The following PRKCB variants were observed in gnomAD, a reference collection of about 807,000 sequenced individuals.
PRKCB encodes the protein protein kinase C beta type.
In PRKCB, 13 loss-of-function variants were observed where a neutral mutation model predicts 81.5. The observed-to-expected ratio is 0.16, with a 90% CI of 0.10 to 0.25. PRKCB has a LOEUF of 0.25. PRKCB is among the 10% of genes least tolerant of loss of function. The probability of loss-of-function intolerance (pLI) is 1.00; values close to 1 mark genes in which losing one functional copy is unlikely to be tolerated. For missense variants in PRKCB, 509 were observed against 875.7 expected (o/e 0.58, Z 5.29); for synonymous variants, 335 against 321.4 (o/e 1.04, Z -0.45).
chr16:24,049,179 C>G (rs570190643), intron 5 of PRKCB, among the ~76,000 whole-genome samples: 1 of 150,876 alleles, frequency 6.6e-6, no homozygotes, highest in East Asian at 2.0e-4. Flanking sequence ...CTCCAAACCT[C>G]CCTGTGTTAG....
chr16:24,186,719 G>A (rs1003960830), intron 15 of PRKCB, among the ~76,000 whole-genome samples: 1 of 152,222 alleles, frequency 6.6e-6, no homozygotes, highest in African/African-American at 2.4e-5. Flanking sequence ...AGGCCAATCT[G>A]AGGCTTGGCC....
At chr16:24,117,933 C>T (rs936781069) in intron 8 of PRKCB, among the ~76,000 whole-genome samples, 4 of 152,218 alleles carry the variant, frequency 2.6e-5, no homozygotes, top group African/African-American at 7.2e-5. Flanking sequence ...CCAGGGAAAT[C>T]CACTCACCCG....
chr16:24,103,790 C>T (rs1441032002), intron 7 of PRKCB, among the ~76,000 whole-genome samples: 2 of 152,042 alleles, frequency 1.3e-5, no homozygotes, highest in Admixed American at 6.6e-5. Flanking sequence ...TTATTCATTC[C>T]AATGTATTAT....
intron 2 of PRKCB, among the ~76,000 whole-genome samples, chr16:23,854,121 C>G (rs1000763065): frequency 6.6e-6 from 1 of 151,520 alleles, no homozygotes; most frequent in African/African-American, 2.4e-5. Context: ...AGGTCCTTCT[C>G]ATGACACATG....
At chr16:24,029,025 A>C (rs1965518680) in intron 3 of PRKCB, among the ~76,000 whole-genome samples, 1 of 152,146 alleles carries the variant, frequency 6.6e-6, no homozygotes, top group South Asian at 2.1e-4. Context: ...TCCTGACCTC[A>C]AGCGATCTGC....
intron 2 of PRKCB, among the ~76,000 whole-genome samples, chr16:23,846,035 G>A (rs1006588784): frequency 6.6e-6 from 1 of 152,162 alleles, no homozygotes; most frequent in African/African-American, 2.4e-5. Flanking sequence ...CTCACCCTGT[G>A]TCCATCTCTG....
intron 2 of PRKCB, among the ~76,000 whole-genome samples, chr16:23,873,867 C>A (rs1962952508): frequency 6.6e-6 from 1 of 152,134 alleles, no homozygotes; most frequent in Non-Finnish European, 1.5e-5. Flanking sequence ...ATATACACTC[C>A]TACTCAGTCT....
chr16:23,850,440 A>G (rs945570380), intron 2 of PRKCB, among the ~76,000 whole-genome samples: 1 of 152,108 alleles, frequency 6.6e-6, no homozygotes, highest in Admixed American at 6.5e-5. Context: ...ATCTCAGCTC[A>G]CTGCAACCTC....
chr16:23,997,807 A>G (rs1223394154), intron 3 of PRKCB, among the ~76,000 whole-genome samples: 1 of 152,222 alleles, frequency 6.6e-6, no homozygotes, highest in African/African-American at 2.4e-5. Flanking sequence ...ATTGTATCAC[A>G]TCAGGTGGAA....
rs373479467 is a variant in PRKCB, at chr16:23,962,744, T to C, written c.206-25764T>C. On this transcript the variant is annotated intron_variant, in intron 2 of 16. Coordinates refer to ENST00000643927, the MANE Select transcript of PRKCB (RefSeq NM_002738.7). ...CCAACAAACCAGTCTTTGTTTTTTT[T>C]TTCTTTTATTTTAATTTTGATAGTT... Among the ~76,000 whole-genome samples, 157 of 151,660 alleles carry C rather than the reference T, an allele frequency of 1.0e-3. 5 individuals carry two copies. In the South Asian group the frequency reaches 0.031, roughly 30 times the overall value.
At chr16:24,094,483 A>T (rs1966414755) in intron 7 of PRKCB, among the ~76,000 whole-genome samples, 186 bp downstream of exon 7, 1 of 152,204 alleles carries the variant, frequency 6.6e-6, no homozygotes. Flanking sequence ...AAAAAGAAAG[A>T]GGCCAGGCCT....
At chr16:24,167,204 G>T (rs1049092894) in intron 10 of PRKCB, among the ~76,000 whole-genome samples, 5 of 150,658 alleles carry the variant, frequency 3.3e-5, no homozygotes, top group African/African-American at 4.9e-5. Flanking sequence ...CTTACTGTCT[G>T]CATTTTGCCA....
At chr16:24,039,233 TTTTTA>T (rs1965666635) in intron 5 of PRKCB, among the ~76,000 whole-genome samples, 1 of 152,114 alleles carries the variant, frequency 6.6e-6, no homozygotes, top group African/African-American at 2.4e-5. Flanking sequence ...TCTTTTTTTC[TTTTTA>T]TTTTGTTTTA....
Position 24,068,477 on chromosome 16 carries a change from GAA to G in PRKCB, c.530-24300_530-24299del, listed in dbSNP as rs530701855. On this transcript the variant is annotated intron_variant, in intron 5 of 16. Coordinates refer to ENST00000643927, the MANE Select transcript of PRKCB (RefSeq NM_002738.7). Reference sequence around the variant, plus strand: ...TTGAGAATTGATTTATGGCCCAAAGGAAAAAAAAAAAAAAACCACACACAGAA... The same window carrying G: ...TTGAGAATTGATTTATGGCCCAAAGGAAAAAAAAAAAAACCACACACAGAA... 6.0e-5 allele frequency among the ~76,000 whole-genome samples: 7 copies of G among 116,202 alleles called. No individual in the cohort carries two copies. In the East Asian group the frequency reaches 1.0e-3, roughly 17 times the overall value. The allele number at this position is 116,202 out of a possible 152,430, so 76.2% of individuals were successfully genotyped here. A position where few individuals can be genotyped will look rare whatever the true frequency, so the allele number is the denominator to read the frequency against.
In PRKCB at chr16:24,108,954, C is replaced by T. The variant is rs1350299057; in HGVS notation, c.822-4019C>T. On this transcript the variant is annotated intron_variant, in intron 7 of 16. Transcript: ENST00000643927. ...CCGGGCAGAGGCGCCCCTCACTTCC[C>T]GGATGGGGGGGCTGGCCGGGCGGGG... 4.0e-5 allele frequency among the ~76,000 whole-genome samples: 6 copies of T among 149,730 alleles called. No individual in the cohort carries two copies. In the South Asian group the frequency reaches 8.4e-4, roughly 21 times the overall value.
chr16:23,998,189 C>T (rs904238001), intron 3 of PRKCB, among the ~76,000 whole-genome samples: 2 of 152,112 alleles, frequency 1.3e-5, no homozygotes, highest in Admixed American at 6.6e-5. Flanking sequence ...GTTCTCAGTC[C>T]TTCAGACGTG....
chr16:23,985,940 T>C (rs1707974201), intron 2 of PRKCB, among the ~76,000 whole-genome samples: 2 of 152,150 alleles, frequency 1.3e-5, no homozygotes, highest in African/African-American at 4.8e-5. Context: ...TATAATAAAG[T>C]TGGCATTTGA....
chr16:24,206,062 A>G (rs1968040974), intron 16 of PRKCB, among the ~76,000 whole-genome samples: 1 of 152,220 alleles, frequency 6.6e-6, no homozygotes, highest in African/African-American at 2.4e-5. Context: ...CTTAGTATCA[A>G]ACACAAAAGA....
chr16:23,931,226 A>T (rs981890783), intron 2 of PRKCB, among the ~76,000 whole-genome samples: 1 of 152,174 alleles, frequency 6.6e-6, no homozygotes, highest in African/African-American at 2.4e-5. Flanking sequence ...TTTCTTTATC[A>T]GTTCCAAGAG....
Sources: gnomAD v4.1 joint callset for allele counts (sites outside exome capture counted in the v4.1 genomes callset) on GRCh38, gnomAD v4.1.1 for gene constraint, MANE v1.5 for transcripts, NCBI Gene and HGNC (gene_info 2026-07-23, HGNC 2026-07-21) for gene names.